DACH1: variants seen among roughly 807,000 people sequenced by gnomAD.
The protein encoded by DACH1 is dachshund family transcription factor 1.
DACH1 carries 12 observed loss-of-function variants against 54.2 expected under a neutral mutation model. The ratio of observed to expected loss-of-function variants is 0.22; its 90% CI spans 0.14 to 0.36. The LOEUF is 0.36. DACH1 is among the 10% of genes least tolerant of loss of function. The probability of loss-of-function intolerance (pLI) is 1.00; values close to 1 mark genes in which losing one functional copy is unlikely to be tolerated. For missense variants in DACH1, 805 were observed against 929.8 expected (o/e 0.87, Z 1.75); for synonymous variants, 386 against 366.2 (o/e 1.05, Z -0.62).
intron 1 of DACH1, among the ~76,000 whole-genome samples, chr13:71,799,640 T>C (rs1264377947): frequency 6.6e-6 from 1 of 152,110 alleles, no homozygotes; most frequent in African/African-American, 2.4e-5. Context: ...TTCGGCACCC[T>C]GACTGGCATT....
Position 71,748,504 on chromosome 13 carries a change from T to C in DACH1, c.849-66594A>G, listed in dbSNP as rs114465065. Among the ~76,000 whole-genome samples, 1,226 of 152,310 alleles carry C rather than the reference T, an allele frequency of 8.0e-3. 14 individuals carry two copies. Among genetic ancestry groups the C allele is most frequent in the African/African-American group, 0.025 (1,019 of 41,568 alleles). On this transcript the variant is annotated intron_variant, in intron 1 of 10. Transcript: ENST00000613252. ...GGGTCTGCTTGCTTCGCTAGAATGA[T>C]ATTCCTGTTGCTTATTTTCCATCAT...
In DACH1 at chr13:71,866,412, C is replaced by T. The variant is rs542258988; in HGVS notation, c.358G>A (p.Gly120Ser). Residue 120 changes from glycine (G) to serine (S), a missense_variant, in exon 1 of 11, where the codon GGC becomes AGC. Transcript: ENST00000613252. ...AASNGSGGGG[G>S]GISAGGGVAS... ...ACGCCGCCGCCAGCGCTGATGCCGC[C>T]GCCGCCGCCGCCGCTGCCGTTGCTC... 3 of 1,421,858 alleles carry T rather than the reference C, an allele frequency of 2.1e-6. No homozygotes were observed. The highest frequency in any genetic ancestry group is 1.4e-5 in the South Asian group (1 of 72,456). 88.1% of individuals were successfully genotyped at this position (1,421,858 alleles called of 1,614,324 possible). A position where few individuals can be genotyped will look rare whatever the true frequency, so the allele number is the denominator to read the frequency against.
At chr13:71,506,793 C>T (rs926164785) in intron 6 of DACH1, among the ~76,000 whole-genome samples, 4 of 151,814 alleles carry the variant, frequency 2.6e-5, no homozygotes, top group Non-Finnish European at 5.9e-5. Flanking sequence ...CTGAGAAAAA[C>T]AAGCAATGGG....
intron 2 of DACH1, among the ~76,000 whole-genome samples, chr13:71,652,993 A>C (rs796847854): frequency 3.9e-5 from 6 of 152,338 alleles, no homozygotes; most frequent in African/African-American, 1.4e-4. Context: ...TCCCAACTCG[A>C]GATAAATGAG....
At chr13:71,536,146 T>C (rs1408629486) in intron 6 of DACH1, among the ~76,000 whole-genome samples, 1 of 152,046 alleles carries the variant, frequency 6.6e-6, no homozygotes, top group Admixed American at 6.6e-5. Flanking sequence ...AAATTTATCA[T>C]CTCTTGAAAT....
chr13:71,643,767 G>A (rs1200106692), intron 2 of DACH1, among the ~76,000 whole-genome samples: 1 of 151,770 alleles, frequency 6.6e-6, no homozygotes, highest in African/African-American at 2.4e-5. Context: ...CGGACAATGA[G>A]AGGAAAAAAA....
At chr13:71,552,826 TATATATATATATATATAGAGAGAGAG>T (rs1252252977) in intron 6 of DACH1, among the ~76,000 whole-genome samples, 28 of 48,576 alleles carry the variant, frequency 5.8e-4, no homozygotes, top group African/African-American at 8.7e-4. Flanking sequence ...TATATATATA[TATATATATATATATATAGAGAGAGAG>T]AGAGAGAGAG....
Position 71,866,997 on chromosome 13 carries a change from CAA to C in DACH1, c.-230_-229del, listed in dbSNP as rs1874873029. 3 of 233,628 alleles carry C rather than the reference CAA, an allele frequency of 1.3e-5. No individual in the cohort carries two copies. The highest frequency in any genetic ancestry group is 1.3e-3 in the Middle Eastern group (1 of 770). 14.5% of individuals were successfully genotyped at this position (233,628 alleles called of 1,614,324 possible). On this transcript the variant is annotated 5_prime_UTR_variant, in exon 1 of 11. Transcript: ENST00000613252. ...GAGAGGCGCTCTGGAGAGGAACGCA[CAA>C]AAGTGTCCCGCAAGTCGAAATGCGA...
At chr13:71,677,624 C>T (rs543630018) in intron 2 of DACH1, among the ~76,000 whole-genome samples, 215 of 151,924 alleles carry the variant, frequency 1.4e-3, no homozygotes, top group Non-Finnish European at 2.5e-3. Flanking sequence ...ACAAATGCAT[C>T]CAGGGAAAAC....
intron 1 of DACH1, among the ~76,000 whole-genome samples, chr13:71,775,127 C>CTT (rs767902341): frequency 1.3e-3 from 69 of 54,022 alleles, no homozygotes; most frequent in African/African-American, 4.4e-3. Context: ...TCAACACAAG[C>CTT]TTTTTTTTTT....
At chr13:71,494,350 T>TTGA (rs1250023021) in intron 6 of DACH1, among the ~76,000 whole-genome samples, 1 of 152,156 alleles carries the variant, frequency 6.6e-6, no homozygotes, top group African/African-American at 2.4e-5. Flanking sequence ...CATTGCAATT[T>TTGA]TGATACTTTG....
intron 5 of DACH1, among the ~76,000 whole-genome samples, chr13:71,558,841 C>A (rs1386944632): frequency 6.6e-6 from 1 of 151,962 alleles, no homozygotes; most frequent in Non-Finnish European, 1.5e-5. Flanking sequence ...CAATAGCTCC[C>A]AGATCAACAA....
intron 1 of DACH1, among the ~76,000 whole-genome samples, chr13:71,766,334 A>G (rs1235391326): frequency 6.6e-6 from 1 of 152,142 alleles, no homozygotes; most frequent in Non-Finnish European, 1.5e-5. Flanking sequence ...TAAAATTCCA[A>G]TGGCCGGGCT....
intron 2 of DACH1, among the ~76,000 whole-genome samples, chr13:71,632,254 G>GCTC (rs1481216628): frequency 6.6e-6 from 1 of 151,970 alleles, no homozygotes; most frequent in East Asian, 1.9e-4. Context: ...TTTGAGCAGG[G>GCTC]GAGTGGTTTG....
chr13:71,779,967 G>T lies in DACH1; in HGVS notation c.848+85955C>A, dbSNP rs958595902. 1.1e-3 allele frequency among the ~76,000 whole-genome samples: 166 copies of T among 151,936 alleles called. 1 individual carries two copies. Among genetic ancestry groups the T allele is most frequent in the Non-Finnish European group, 1.5e-4 (10 of 68,018 alleles). ...AACCTCTTCTCTATATTAGTGCCTGGCATATTGTGGGTGCTTCAAAAACAT... is the reference window on the plus strand; with the variant it reads ...AACCTCTTCTCTATATTAGTGCCTGTCATATTGTGGGTGCTTCAAAAACAT... On this transcript the variant is annotated intron_variant, in intron 1 of 10. Coordinates refer to ENST00000613252, the MANE Select transcript of DACH1 (RefSeq NM_080759.6).
At chr13:71,545,582 G>C (rs548864428) in intron 6 of DACH1, among the ~76,000 whole-genome samples, 6 of 151,206 alleles carry the variant, frequency 4.0e-5, no homozygotes, top group Non-Finnish European at 8.9e-5. Flanking sequence ...AAGGAAGGAA[G>C]GGAGGGAGGA....
At chr13:71,640,765 C>T (rs923528483) in intron 2 of DACH1, among the ~76,000 whole-genome samples, 6 of 151,978 alleles carry the variant, frequency 3.9e-5, no homozygotes, top group Non-Finnish European at 7.4e-5. Context: ...ATACTCTAAA[C>T]GATGTTTTTG....
At chr13:71,812,488 G>A (rs1028115350) in intron 1 of DACH1, among the ~76,000 whole-genome samples, 2 of 148,720 alleles carry the variant, frequency 1.3e-5, no homozygotes, top group Admixed American at 6.7e-5. Context: ...TAGAGGACAG[G>A]TCAAAGGTGG....
intron 2 of DACH1, among the ~76,000 whole-genome samples, chr13:71,642,041 C>T (rs1877944895): frequency 6.6e-6 from 1 of 152,040 alleles, no homozygotes. Context: ...AAATGTGAAC[C>T]TTTTGTGTAT....
Sources: gnomAD v4.1 joint callset for allele counts (sites outside exome capture counted in the v4.1 genomes callset) on GRCh38, gnomAD v4.1.1 for gene constraint, MANE v1.5 for transcripts, NCBI Gene and HGNC (gene_info 2026-07-23, HGNC 2026-07-21) for gene names.